The following LMBR1 variants were observed in gnomAD, a reference collection of about 807,000 sequenced individuals.
The protein encoded by LMBR1 is limb development membrane protein 1.
A neutral mutation model predicts 73.9 loss-of-function variants in LMBR1; 52 were observed. The ratio of observed to expected loss-of-function variants is 0.70; its 90% CI spans 0.56 to 0.89. The LOEUF (loss-of-function observed/expected upper bound fraction) is 0.89, where lower values mean the gene tolerates loss of function less well. Ranked by LOEUF, LMBR1 falls within the 40% of genes least tolerant of loss-of-function variation. LMBR1 has a pLI of 0.00. For missense variants in LMBR1, 539 were observed against 579.8 expected, an observed-to-expected ratio of 0.93 and a Z score of 0.72; for synonymous variants, 215 against 209.4, an observed-to-expected ratio of 1.03 and a Z score of -0.23.
intron 13 of LMBR1, 117 bp from the exon 14 acceptor site, chr7:156,725,642 C>T: frequency 8.2e-7 from 1 of 1,213,508 alleles, no homozygotes; most frequent in East Asian, 2.4e-5. Flanking sequence ...GCTTTAAGTG[C>T]TTGAGGAAGA....
At chr7:156,746,845 T>C (rs1249623227) in intron 9 of LMBR1, among the ~76,000 whole-genome samples, 2 of 152,184 alleles carry the variant, frequency 1.3e-5, no homozygotes, top group South Asian at 2.1e-4. Flanking sequence ...ATTTAAGTTA[T>C]ACCAAAAATT....
chr7:156,877,990 C>T (rs1445336357), intron 1 of LMBR1, among the ~76,000 whole-genome samples: 2 of 151,434 alleles, frequency 1.3e-5, no homozygotes, highest in Admixed American at 6.6e-5. Flanking sequence ...AAGCATTTAA[C>T]AAAATCCAGC....
chr7:156,769,334 T>A (rs1406857155), intron 5 of LMBR1, among the ~76,000 whole-genome samples: 1 of 152,098 alleles, frequency 6.6e-6, no homozygotes, highest in Non-Finnish European at 1.5e-5. Flanking sequence ...CATACCAACA[T>A]TCCTTCGTCT....
chr7:156,839,047 C>CTTTT (rs1164786244), intron 1 of LMBR1, among the ~76,000 whole-genome samples: 9 of 98,520 alleles, frequency 9.1e-5, no homozygotes, highest in Admixed American at 4.8e-4. Context: ...TAGTCCTTTG[C>CTTTT]TTTTTTTTTT....
chr7:156,728,698 T>G lies in LMBR1; in HGVS notation c.861A>C (p.Ala287=), dbSNP rs554543358. The G allele has an allele frequency of 1.9e-6, 3 of 1,602,856 alleles. 1 individual carries two copies. The Admixed American group carries it at 5.3e-5, about 28-fold the overall frequency. ...CGGGATACACCAAATTTCTTTCCCA[T>G]GCTGAAGCCTTTTTTCGCCTCTCTA... ...TKLERRKKAS[A]WERNLVYPAV... is the part of the protein sequence containing the mutation. The change falls in exon 11 of 17, where the codon GCA becomes GCC. Residue 287 remains alanine, a synonymous_variant. Coordinates refer to ENST00000353442, the MANE Select transcript of LMBR1 (RefSeq NM_022458.4).
chr7:156,716,859 C>T (rs914273270), intron 15 of LMBR1, among the ~76,000 whole-genome samples: 4 of 152,090 alleles, frequency 2.6e-5, no homozygotes, highest in African/African-American at 7.2e-5. Context: ...TGGTTCACAT[C>T]TGTAATCCCA....
chr7:156,828,902 T>G (rs894522401), intron 3 of LMBR1, among the ~76,000 whole-genome samples: 3 of 152,252 alleles, frequency 2.0e-5, no homozygotes, highest in Admixed American at 6.5e-5. Flanking sequence ...CCTTTTTGCC[T>G]TTGTTAGATG....
At chr7:156,802,705 C>T (rs899409202) in intron 4 of LMBR1, among the ~76,000 whole-genome samples, 1 of 152,222 alleles carries the variant, frequency 6.6e-6, no homozygotes, top group African/African-American at 2.4e-5. Context: ...CACAATTAAG[C>T]TAATGAACAT....
chr7:156,888,362 A>AT (rs1942930716), intron 1 of LMBR1, among the ~76,000 whole-genome samples: 1 of 149,382 alleles, frequency 6.7e-6, no homozygotes, highest in African/African-American at 2.5e-5. Context: ...GTGAGCCGAG[A>AT]TTGAGTCACT....
At chr7:156,712,165 C>T (rs1318701913) in intron 15 of LMBR1, among the ~76,000 whole-genome samples, 1 of 152,004 alleles carries the variant, frequency 6.6e-6, no homozygotes, top group Non-Finnish European at 1.5e-5. Context: ...ACAAAAATGA[C>T]TTCATTAAAA....
chr7:156,892,548 C>G (rs1380350664), intron 1 of LMBR1: 1 of 168,268 alleles, frequency 5.9e-6, no homozygotes, highest in South Asian at 1.9e-4. Flanking sequence ...GCACACCCGC[C>G]CAGAGAGGAA....
intron 5 of LMBR1, among the ~76,000 whole-genome samples, chr7:156,776,113 T>C (rs985066993): frequency 6.7e-6 from 1 of 148,730 alleles, no homozygotes; most frequent in Non-Finnish European, 1.5e-5. Flanking sequence ...ATGTAAATTA[T>C]ATATATTTTA....
intron 1 of LMBR1, among the ~76,000 whole-genome samples, chr7:156,865,342 A>C (rs1798304063): frequency 6.6e-6 from 1 of 152,154 alleles, no homozygotes; most frequent in Non-Finnish European, 1.5e-5. Context: ...AATAGCATCA[A>C]GAAGAATAAA....
At chr7:156,733,705 A>C (rs1437353297) in intron 10 of LMBR1, among the ~76,000 whole-genome samples, 1 of 152,150 alleles carries the variant, frequency 6.6e-6, no homozygotes, top group African/African-American at 2.4e-5. Context: ...ATGAGGGGAA[A>C]AGAAAAAATA....
chr7:156,891,190 C>CAA (rs58107543), intron 1 of LMBR1, among the ~76,000 whole-genome samples: 28 of 20,616 alleles, frequency 1.4e-3, no homozygotes, highest in African/African-American at 1.5e-3. Context: ...GACTCCATCA[C>CAA]AAAAAAAAAA....
intron 4 of LMBR1, among the ~76,000 whole-genome samples, chr7:156,815,051 G>A (rs1042119410): frequency 6.6e-6 from 1 of 151,574 alleles, no homozygotes; most frequent in Non-Finnish European, 1.5e-5. Context: ...AGCTATTCGG[G>A]AGGCTGAGGC....
chr7:156,725,415 C>A lies in LMBR1; in HGVS notation c.1158+20G>T, dbSNP rs2132386843. The stretch of plus-strand genomic sequence containing the variant: ...GGGAAGGCAAACGAGAGGCCACAGT[C>A]ACCTAAGATTCTACCTTACCTTTGT... On this transcript the variant is annotated intron_variant, in intron 14 of 16. Coordinates refer to ENST00000353442, the MANE Select transcript of LMBR1 (RefSeq NM_022458.4). 3 of 1,478,010 alleles carry A rather than the reference C, an allele frequency of 2.0e-6. No homozygotes were observed. In the South Asian group the frequency reaches 3.6e-5, roughly 18 times the overall value. The allele number at this position is 1,478,010 out of a possible 1,614,324, so 91.6% of individuals were successfully genotyped here.
At chr7:156,810,852 A>G (rs1455207346) in intron 4 of LMBR1, among the ~76,000 whole-genome samples, 1 of 151,758 alleles carries the variant, frequency 6.6e-6, no homozygotes, top group Non-Finnish European at 1.5e-5. Context: ...TCTGTCACCC[A>G]GGCTGGAGTA....
At chr7:156,740,272 C>A (rs1452229980) in intron 9 of LMBR1, among the ~76,000 whole-genome samples, 1 of 151,798 alleles carries the variant, frequency 6.6e-6, no homozygotes, top group Non-Finnish European at 1.5e-5. Context: ...CTAAAAGGAG[C>A]AAATCTAAGA....
Sources: gnomAD v4.1 joint callset for allele counts (sites outside exome capture counted in the v4.1 genomes callset) on GRCh38, gnomAD v4.1.1 for gene constraint, MANE v1.5 for transcripts, NCBI Gene and HGNC (gene_info 2026-07-23, HGNC 2026-07-21) for gene names.